The following AKIP1 variants were observed in gnomAD, a reference collection of about 807,000 sequenced individuals.
AKIP1 encodes the protein A-kinase interacting protein 1.
AKIP1 carries 18 observed loss-of-function variants against 22.3 expected under a neutral mutation model. The observed-to-expected ratio is 0.81, with a 90% CI of 0.56 to 1.19. The LOEUF (loss-of-function observed/expected upper bound fraction) is 1.19, where lower values mean the gene tolerates loss of function less well. Ranked by LOEUF, AKIP1 falls within the 50% of genes most tolerant of loss-of-function variation. AKIP1 has a pLI of 0.00. For synonymous variants in AKIP1, 120 were observed against 102.7 expected (o/e 1.17, Z -1.02); for missense variants, 287 against 264.6 (o/e 1.08, Z -0.59).
At position 8,911,493 on chromosome 11, in the gene AKIP1, G is replaced by C; in HGVS notation, c.44G>C (p.Arg15Pro). 6.2e-7 allele frequency: 1 copy of C among 1,607,352 alleles called. No homozygotes were observed. The highest frequency in any genetic ancestry group is 8.5e-7 in the Non-Finnish European group (1 of 1,177,164). Residue 15 changes from arginine to proline, a missense_variant, in exon 2 of 6, where the codon CGA (arginine) becomes CCA (proline). Arg to Pro is a moderately radical substitution (Grantham distance 103). Coordinates refer to ENST00000309377, the MANE Select transcript of AKIP1 (RefSeq NM_020642.4). The stretch of plus-strand genomic sequence containing the variant: ...GCCGCAGCGCTGAATGGGGTGGACC[G>C]ACGTTCCCTGCAGCGTTCAGCAAGG... ...LAAAALNGVD[R>P]RSLQRSARLA...
At chr11:8,913,881 T>C (rs1005027969) in intron 3 of AKIP1, among the ~76,000 whole-genome samples, 6 of 152,216 alleles carry the variant, frequency 3.9e-5, no homozygotes, top group African/African-American at 1.4e-4. Context: ...AAACCCTTGG[T>C]TCATGGTTCA....
At chr11:8,914,782 C>T in intron 3 of AKIP1, 44 bp from the exon 4 acceptor site, 1 of 1,498,176 alleles carries the variant, frequency 6.7e-7, no homozygotes, top group Non-Finnish European at 9.3e-7. Flanking sequence ...GAAAATTTGA[C>T]AAGACAATTT....
At chr11:8,918,355 A>G (rs2064519497) in intron 5 of AKIP1, among the ~76,000 whole-genome samples, 1 of 152,256 alleles carries the variant, frequency 6.6e-6, no homozygotes, top group South Asian at 2.1e-4. Context: ...AGAATACAAC[A>G]TAAAACAGCT....
chr11:8,911,426 C>G lies in AKIP1; in HGVS notation c.-6-18C>G. ...CCCAGCTGACCCGCCGGCGTTTGTA[C>G]GTTGTGTGCCCACTCAGGGAGCCAT... On this transcript the variant is annotated intron_variant, in intron 1 of 5. Coordinates refer to ENST00000309377, the MANE Select transcript of AKIP1 (RefSeq NM_020642.4). The G allele has an allele frequency of 6.4e-7, 1 of 1,558,724 alleles. No individual in the cohort carries two copies. Among genetic ancestry groups the G allele is most frequent in the Non-Finnish European group, 8.7e-7 (1 of 1,151,378 alleles).
chr11:8,911,705 C>G (rs771551698), intron 2 of AKIP1, 34 bp downstream of exon 2: 1 of 1,467,740 alleles, frequency 6.8e-7, no homozygotes, highest in South Asian at 1.4e-5. Context: ...CGCCCCAGTC[C>G]TTCGCGCCGC....
intron 1 of AKIP1, 75 bp from the exon 2 acceptor site, chr11:8,911,369 T>C: frequency 3.0e-6 from 4 of 1,345,246 alleles, no homozygotes; most frequent in Non-Finnish European, 3.0e-6. Flanking sequence ...AGGCTGGGGC[T>C]CCCACCCGGA....
intron 4 of AKIP1, among the ~76,000 whole-genome samples, chr11:8,915,641 A>ATT (rs574171233): frequency 8.7e-4 from 120 of 137,176 alleles, no homozygotes; most frequent in Non-Finnish European, 1.5e-3. Flanking sequence ...GTCTTTGGTA[A>ATT]TTTTTTTTTT....
In AKIP1 at chr11:8,911,467, G is replaced by T; in HGVS notation, c.18G>T (p.Ala6=). Reference sequence around the variant, plus strand: ...AGGGAGCCATGGACAACTGTTTGGCGGCCGCAGCGCTGAATGGGGTGGACC... The same window carrying T: ...AGGGAGCCATGGACAACTGTTTGGCTGCCGCAGCGCTGAATGGGGTGGACC... MDNCL[A]AAALNGVDRR... Residue 6 remains alanine (A), a synonymous_variant, in exon 2 of 6, where the codon GCG becomes GCT. Transcript: ENST00000309377. 5 of 1,600,186 alleles carry T rather than the reference G, an allele frequency of 3.1e-6. No individual in the cohort carries two copies. The highest frequency in any genetic ancestry group is 4.3e-6 in the Non-Finnish European group (5 of 1,173,678).
chr11:8,911,795 A>G (rs1223518052), intron 2 of AKIP1, 124 bp downstream of exon 2: 2 of 977,948 alleles, frequency 2.0e-6, no homozygotes, highest in Non-Finnish European at 1.5e-6. Flanking sequence ...GGAAAGGATC[A>G]GAACAATGAA....
chr11:8,911,470 C>A lies in AKIP1; in HGVS notation c.21C>A (p.Ala7=), dbSNP rs1255183990. ...GAGCCATGGACAACTGTTTGGCGGC[C>A]GCAGCGCTGAATGGGGTGGACCGAC... MDNCLA[A]AALNGVDRRS... Residue 7 remains alanine, a synonymous_variant, in exon 2 of 6, where the codon GCC becomes GCA. Coordinates refer to ENST00000309377, the MANE Select transcript of AKIP1 (RefSeq NM_020642.4). The A allele has an allele frequency of 1.9e-6, 3 of 1,601,214 alleles. No individual in the cohort carries two copies. The highest frequency in any genetic ancestry group is 2.6e-6 in the Non-Finnish European group (3 of 1,174,358).
Position 8,911,438 on chromosome 11 carries a change from A to C in AKIP1, c.-6-6A>C. ...GCCGGCGTTTGTACGTTGTGTGCCC[A>C]CTCAGGGAGCCATGGACAACTGTTT... On this transcript the variant is annotated splice_region_variant and splice_polypyrimidine_tract_variant and intron_variant, in intron 1 of 5. Coordinates refer to ENST00000309377, the MANE Select transcript of AKIP1 (RefSeq NM_020642.4). The C allele has an allele frequency of 1.3e-6, 2 of 1,577,726 alleles. No individual in the cohort carries two copies. The highest frequency in any genetic ancestry group is 4.6e-5 in the East Asian group (2 of 43,374).
chr11:8,919,702 T>C lies in AKIP1; in HGVS notation c.*222T>C, dbSNP rs906043355. The C allele has an allele frequency of 2.3e-6, 1 of 441,790 alleles. No homozygotes were observed. The highest frequency in any genetic ancestry group is 4.0e-6 in the Non-Finnish European group (1 of 250,478). 27.4% of individuals were successfully genotyped at this position (441,790 alleles called of 1,614,324 possible). The stretch of plus-strand genomic sequence containing the variant: ...CCCAGGCTGGAGTGCAGTGGCGTGA[T>C]CTCGGCTCACTGCAAGTTCCGCCTC... On this transcript the variant is annotated 3_prime_UTR_variant, in exon 6 of 6. Transcript: ENST00000309377.
In AKIP1 at chr11:8,914,674, T is replaced by C. The variant is rs768810009; in HGVS notation, c.304-152T>C. The C allele has an allele frequency of 2.9e-4, 171 of 581,664 alleles. 1 individual carries two copies. The highest frequency in any genetic ancestry group is 2.4e-3 in the Middle Eastern group (5 of 2,120). 36.0% of individuals were successfully genotyped at this position (581,664 alleles called of 1,614,324 possible). ...GCCACTTTGGGTGGGCTAAGGTTTG[T>C]TGCATGACTTCAGAGGCCTGTCAAG... On this transcript the variant is annotated intron_variant, in intron 3 of 5. Coordinates refer to ENST00000309377, the MANE Select transcript of AKIP1 (RefSeq NM_020642.4).
At chr11:8,913,036 A>C (rs2064422498) in intron 3 of AKIP1, among the ~76,000 whole-genome samples, 2 of 146,678 alleles carry the variant, frequency 1.4e-5, no homozygotes, top group African/African-American at 5.1e-5. Flanking sequence ...CACCACGCCC[A>C]GCTAATTTTT....
chr11:8,916,914 C>T (rs1055759651), intron 4 of AKIP1, among the ~76,000 whole-genome samples: 11 of 152,198 alleles, frequency 7.2e-5, no homozygotes, highest in African/African-American at 2.4e-4. Flanking sequence ...CTAGAAGAAG[C>T]ACAGAAGAGA....
At position 8,919,342 on chromosome 11, in the gene AKIP1, G is replaced by A; in HGVS notation, c.495G>A (p.Glu165=). Residue 165 remains glutamate, a synonymous_variant, in exon 6 of 6, where the codon GAG becomes GAA. Coordinates refer to ENST00000309377, the MANE Select transcript of AKIP1 (RefSeq NM_020642.4). ...EHAPEASQPA[E]NISKDLYIEV... ...ATATCCTCTTTTCCTTCTAGGCTGAGAACATCTCTAAGGACCTCTACATAG... is the reference window on the plus strand; with the variant it reads ...ATATCCTCTTTTCCTTCTAGGCTGAAAACATCTCTAAGGACCTCTACATAG... 1 of 1,612,282 alleles carries A rather than the reference G, an allele frequency of 6.2e-7. No homozygotes were observed. Among genetic ancestry groups the A allele is most frequent in the South Asian group, 1.1e-5 (1 of 90,550 alleles).
rs562700967 is a variant in AKIP1, at chr11:8,912,782, C to G, written c.303+249C>G. ...TGAAAAGTCAGAAAAGGTCTTCTGC[C>G]CTCAGTGATCTTTCAGTCTAGTGGG... On this transcript the variant is annotated intron_variant, in intron 3 of 5. Coordinates refer to ENST00000309377, the MANE Select transcript of AKIP1 (RefSeq NM_020642.4). Among the ~76,000 whole-genome samples, 17 of 151,926 alleles carry G rather than the reference C, an allele frequency of 1.1e-4. No individual in the cohort carries two copies. In the South Asian group the frequency reaches 3.5e-3, roughly 32 times the overall value.
chr11:8,911,357 C>G (rs2064337093), intron 1 of AKIP1, 87 bp from the exon 2 acceptor site: 2 of 1,256,450 alleles, frequency 1.6e-6, no homozygotes, highest in South Asian at 2.9e-5. Context: ...CCAGGGAGGT[C>G]GAGGCTGGGG....
intron 3 of AKIP1, among the ~76,000 whole-genome samples, chr11:8,914,491 A>G (rs1049090609): frequency 6.6e-6 from 1 of 152,232 alleles, no homozygotes; most frequent in Non-Finnish European, 1.5e-5. Flanking sequence ...AGGGGAGGAA[A>G]TGAAAGGATA....
Sources: allele counts gnomAD v4.1 joint callset (sites outside exome capture counted in the v4.1 genomes callset), GRCh38; gene constraint gnomAD v4.1.1; transcripts MANE v1.5; gene names NCBI Gene and HGNC (gene_info 2026-07-23, HGNC 2026-07-21).